Variants in DPP10 observed in about 807,000 individuals in gnomAD.
DPP10 encodes the protein dipeptidyl peptidase like 10.
Under a neutral mutation model 120.9 loss-of-function variants are expected in DPP10, and 33 were observed. The ratio of observed to expected loss-of-function variants is 0.27; its 90% CI spans 0.21 to 0.37. The LOEUF (loss-of-function observed/expected upper bound fraction) is 0.37, where lower values mean the gene tolerates loss of function less well. Ranked by LOEUF, DPP10 falls within the 10% of genes least tolerant of loss-of-function variation. The pLI is 1.00. For synonymous variants in DPP10, 337 were observed against 326.1 expected (o/e 1.03, Z -0.36); for missense variants, 816 against 942.8 (o/e 0.87, Z 1.76).
intron 1 of DPP10, among the ~76,000 whole-genome samples, chr2:115,067,532 G>A (rs1219953136): frequency 2.7e-5 from 4 of 147,522 alleles, no homozygotes; most frequent in Non-Finnish European, 4.5e-5. Flanking sequence ...GATCACAGGC[G>A]TGAGCCACCG....
chr2:114,757,931 A>G (rs573105879), intron 1 of DPP10, among the ~76,000 whole-genome samples: 21 of 152,118 alleles, frequency 1.4e-4, no homozygotes, highest in Non-Finnish European at 2.6e-4. Context: ...ACACAAATAC[A>G]GTCCTGTGGA....
intron 7 of DPP10, among the ~76,000 whole-genome samples, chr2:115,711,065 T>C (rs192605224): frequency 3.9e-5 from 6 of 152,222 alleles, no homozygotes. Context: ...CATGAGGTGA[T>C]AAGTCAAGAA....
intron 5 of DPP10, among the ~76,000 whole-genome samples, chr2:115,581,823 G>A (rs1392370028): frequency 1.3e-5 from 2 of 151,992 alleles, no homozygotes; most frequent in African/African-American, 2.4e-5. Context: ...CATCTTCCCT[G>A]TAAGTCCCAT....
intron 7 of DPP10, among the ~76,000 whole-genome samples, chr2:115,718,007 G>GA (rs981127609): frequency 3.3e-5 from 5 of 151,790 alleles, no homozygotes; most frequent in Admixed American, 3.3e-4. Flanking sequence ...CAAATAAGAG[G>GA]AAAAAAATGT....
chr2:114,567,811 G>A (rs1689316622), intron 1 of DPP10, among the ~76,000 whole-genome samples: 1 of 152,080 alleles, frequency 6.6e-6, no homozygotes, highest in Non-Finnish European at 1.5e-5. Flanking sequence ...ACTGAACAAT[G>A]AGAACTCACG....
At chr2:115,680,365 G>A (rs556221577) in intron 5 of DPP10, among the ~76,000 whole-genome samples, 3 of 151,976 alleles carry the variant, frequency 2.0e-5, no homozygotes, top group Non-Finnish European at 4.4e-5. Context: ...TGTTTTAAAG[G>A]TGCAATATAA....
chr2:115,098,256 G>A (rs75697617), intron 1 of DPP10, among the ~76,000 whole-genome samples: 6,852 of 152,200 alleles, frequency 0.045, 235 homozygotes, highest in East Asian at 0.17. Context: ...AACAGCTTCA[G>A]TCCTAATGAG....
chr2:114,937,166 A>G lies in DPP10; in HGVS notation c.61-372073A>G, dbSNP rs142913129. Among the ~76,000 whole-genome samples the G allele has an allele frequency of 2.4e-3, 359 of 152,228 alleles. 2 individuals carry two copies. The highest frequency in any genetic ancestry group is 0.014 in the Middle Eastern group (4 of 294). On this transcript the variant is annotated intron_variant, in intron 1 of 25. Transcript: ENST00000410059. ...GTTCCTGGTCATGAAGTCTTTGCCTAAGCCAATGTCTAGAAGGGTTTTCTG... is the reference window on the plus strand; with the variant it reads ...GTTCCTGGTCATGAAGTCTTTGCCTGAGCCAATGTCTAGAAGGGTTTTCTG...
At chr2:114,599,705 A>G (rs1236799108) in intron 1 of DPP10, among the ~76,000 whole-genome samples, 3 of 151,792 alleles carry the variant, frequency 2.0e-5, no homozygotes, top group Admixed American at 6.6e-5. Flanking sequence ...TACACCTTGT[A>G]TAAGTTTCAC....
intron 1 of DPP10, among the ~76,000 whole-genome samples, chr2:114,629,366 A>C (rs1175202782): frequency 6.6e-5 from 10 of 152,176 alleles, no homozygotes; most frequent in Admixed American, 6.6e-4. Context: ...CAAAGTGATA[A>C]CATGTTTGAA....
chr2:114,807,766 T>C (rs1684856884), intron 1 of DPP10, among the ~76,000 whole-genome samples: 1 of 152,238 alleles, frequency 6.6e-6, no homozygotes, highest in Admixed American at 6.5e-5. Context: ...AACTGTTTTA[T>C]TATGTTCATA....
intron 5 of DPP10, among the ~76,000 whole-genome samples, chr2:115,578,031 TTATC>T (rs1289891070): frequency 3.9e-5 from 6 of 152,254 alleles, no homozygotes; most frequent in African/African-American, 1.4e-4. Context: ...AGTCATAACT[TTATC>T]TATTAAAAAA....
chr2:114,497,077 A>ATATACATGTACATGTACATG (rs1343824318), intron 1 of DPP10, among the ~76,000 whole-genome samples: 2 of 150,494 alleles, frequency 1.3e-5, no homozygotes, highest in South Asian at 2.1e-4. Flanking sequence ...ACACATATAC[A>ATATACATGTACATGTACATG]TATACATGTA....
rs1291640958 is a variant in DPP10, at chr2:114,834,763, C to T, written c.60+391925C>T. On this transcript the variant is annotated intron_variant, in intron 1 of 25. Coordinates refer to ENST00000410059, the MANE Select transcript of DPP10 (RefSeq NM_020868.6). ...CCTATGTATATATAAGCCATGTCTACGCACCTATGTATATATAAGCCATGT... is the reference window on the plus strand; with the variant it reads ...CCTATGTATATATAAGCCATGTCTATGCACCTATGTATATATAAGCCATGT... Among the ~76,000 whole-genome samples the T allele has an allele frequency of 2.1e-5, 3 of 144,792 alleles. 1 individual carries two copies. The highest frequency in any genetic ancestry group is 4.6e-5 in the Non-Finnish European group (3 of 65,284). 95.0% of individuals were successfully genotyped at this position (144,792 alleles called of 152,430 possible).
rs140743051 is a variant in DPP10, at chr2:115,777,303, AGT to A, written c.1313+7_1313+8del. ...ACGATGAAACTACTCAAAAAATGTGAGTGTTTTCAGTTCTCTAGTCAGGCTGC... is the reference window on the plus strand; with the variant it reads ...ACGATGAAACTACTCAAAAAATGTGAGTTTTCAGTTCTCTAGTCAGGCTGC... On this transcript the variant is annotated splice_donor_5th_base_variant and intron_variant, in intron 14 of 25. Transcript: ENST00000410059. 1.7e-4 allele frequency: 272 copies of A among 1,610,302 alleles called. 1 individual carries two copies. The African/African-American group carries it at 3.2e-3, about 19-fold the overall frequency.
intron 3 of DPP10, among the ~76,000 whole-genome samples, chr2:115,384,573 A>T (rs867877957): frequency 8.2e-6 from 1 of 122,576 alleles, no homozygotes; most frequent in Non-Finnish European, 1.8e-5. Context: ...AAGAAGAAGA[A>T]GAGGAAGAGG....
At chr2:114,637,373 G>T (rs759877033) in intron 1 of DPP10, among the ~76,000 whole-genome samples, 6 of 151,880 alleles carry the variant, frequency 4.0e-5, no homozygotes, top group African/African-American at 2.4e-5. Flanking sequence ...CACAGGAATT[G>T]GTTGAGCATA....
Position 115,426,392 on chromosome 2 carries a change from C to T in DPP10, c.272-73118C>T, listed in dbSNP as rs558725391. Among the ~76,000 whole-genome samples the T allele has an allele frequency of 1.4e-3, 150 of 105,276 alleles. 1 individual carries two copies. Among genetic ancestry groups the T allele is most frequent in the African/African-American group, 5.7e-3 (144 of 25,192 alleles). The allele number at this position is 105,276 out of a possible 152,430, so 69.1% of individuals were successfully genotyped here. ...AGACTCTCACCAGGTGCCACTCCGA[C>T]GCTGGAGATGACATTTCAACATGAG... is the stretch of plus-strand genomic sequence containing the variant. On this transcript the variant is annotated intron_variant, in intron 3 of 25. Transcript: ENST00000410059.
At chr2:115,680,772 C>A (rs1490537066) in intron 5 of DPP10, among the ~76,000 whole-genome samples, 3 of 151,586 alleles carry the variant, frequency 2.0e-5, no homozygotes, top group Non-Finnish European at 4.4e-5. Context: ...AACACAGATG[C>A]TAAATAGGGT....
Sources: allele counts gnomAD v4.1 joint callset (sites outside exome capture counted in the v4.1 genomes callset), GRCh38; gene constraint gnomAD v4.1.1; transcripts MANE v1.5; gene names NCBI Gene and HGNC (gene_info 2026-07-23, HGNC 2026-07-21).